The following XIRP2 variants were observed in gnomAD, a reference collection of about 807,000 sequenced individuals.
The protein encoded by XIRP2 is xin actin binding repeat containing 2.
Under a neutral mutation model 277.0 loss-of-function variants are expected in XIRP2, and 236 were observed. The observed-to-expected ratio is 0.85, with a 90% CI of 0.77 to 0.95. The LOEUF (loss-of-function observed/expected upper bound fraction) is 0.95. XIRP2 is among the 40% of genes least tolerant of loss of function. XIRP2 has a pLI of 0.00. For missense variants in XIRP2, 4,640 were observed against 4,157.5 expected, an observed-to-expected ratio of 1.12 and a Z score of -3.19; for synonymous variants, 1,490 against 1,416.5, an observed-to-expected ratio of 1.05 and a Z score of -1.17.
chr2:167,190,589 T>C lies in XIRP2; in HGVS notation c.563-20146T>C, dbSNP rs1693301660. On this transcript the variant is annotated intron_variant, in intron 3 of 10. Transcript: ENST00000409195. ...AGTAAAAATTTCTTACTATTTATTT[T>C]CCTAGTCATTGGAATCCACCTCTTA... 3.9e-5 allele frequency among the ~76,000 whole-genome samples: 6 copies of C among 152,352 alleles called. No individual in the cohort carries two copies. In the South Asian group the frequency reaches 1.2e-3, roughly 32 times the overall value.
chr2:167,125,254 C>T (rs1691168507), intron 2 of XIRP2, among the ~76,000 whole-genome samples: 1 of 152,106 alleles, frequency 6.6e-6, no homozygotes, highest in Admixed American at 6.6e-5. Context: ...CATCATTTAT[C>T]AAGTACCTGC....
chr2:167,220,408 C>A (rs1020083398), intron 5 of XIRP2, among the ~76,000 whole-genome samples: 1 of 152,152 alleles, frequency 6.6e-6, no homozygotes, highest in Non-Finnish European at 1.5e-5. Flanking sequence ...AGTATCCACC[C>A]CATGGATTTG....
At chr2:167,224,030 A>G (rs925229622) in intron 5 of XIRP2, among the ~76,000 whole-genome samples, 2 of 152,126 alleles carry the variant, frequency 1.3e-5, no homozygotes, top group African/African-American at 2.4e-5. Context: ...GAACAGTCCA[A>G]TGTCAAGGTG....
At position 167,244,727 on chromosome 2, in the gene XIRP2, T is replaced by A. The variant is rs370308642; in HGVS notation, c.3335T>A (p.Leu1112Ter). 13 of 1,612,898 alleles carry A rather than the reference T, an allele frequency of 8.1e-6. No homozygotes were observed. The highest frequency in any genetic ancestry group is 1.1e-5 in the Non-Finnish European group (13 of 1,179,646). The change falls in exon 9 of 11, where the codon TTA becomes TAA. Residue 1112 changes from leucine to a stop codon, truncating the protein, a stop_gained. Transcript: ENST00000409195. LOFTEE classifies it high-confidence loss of function. ...PMESLYEKVS[L>*]MTSSEEIHKG... is the part of the protein sequence containing the mutation. ...GAGTCTCTTTATGAAAAAGTTTCGT[T>A]AATGACCAGCAGTGAAGAAATTCAT...
chr2:166,948,527 A>G (rs1051384546), intron 2 of XIRP2, among the ~76,000 whole-genome samples: 3 of 152,120 alleles, frequency 2.0e-5, no homozygotes, highest in African/African-American at 7.2e-5. Context: ...TTTGTATTTT[A>G]TAATCATTTC....
intron 2 of XIRP2, among the ~76,000 whole-genome samples, chr2:167,112,700 G>A (rs1334795587): frequency 6.6e-6 from 1 of 151,800 alleles, no homozygotes; most frequent in African/African-American, 2.4e-5. Context: ...TGCCCAGGCT[G>A]GAGTGCAGTG....
intron 2 of XIRP2, among the ~76,000 whole-genome samples, chr2:166,953,496 A>T (rs191550240): frequency 6.6e-6 from 1 of 151,962 alleles, no homozygotes; most frequent in African/African-American, 2.4e-5. Flanking sequence ...AAGCAGCATG[A>T]GAACAGACTA....
Position 167,246,056 on chromosome 2 carries a change from C to G in XIRP2, c.4664C>G (p.Thr1555Ser), listed in dbSNP as rs1302568355. The G allele has an allele frequency of 1.2e-6, 2 of 1,613,526 alleles. No individual in the cohort carries two copies. Among genetic ancestry groups the G allele is most frequent in the Non-Finnish European group, 1.7e-6 (2 of 1,179,766 alleles). ...ATTATTGGCAAGAGCATTAAAGAAA[C>G]CTTAGAAGATCTCTACTCTCAAAAA... ...IEIIGKSIKE[T>S]LEDLYSQKVI... The change falls in exon 9 of 11, where the codon ACC becomes AGC. Residue 1555 changes from threonine (T) to serine (S), a missense_variant. Transcript: ENST00000409195.
At chr2:167,038,692 AT>A (rs1392623083) in intron 2 of XIRP2, among the ~76,000 whole-genome samples, 3 of 151,986 alleles carry the variant, frequency 2.0e-5, no homozygotes, top group Non-Finnish European at 4.4e-5. Context: ...TCCTATCCAT[AT>A]TTATACTAAT....
Position 167,248,758 on chromosome 2 carries a change from A to T in XIRP2, c.7366A>T (p.Lys2456Ter). Residue 2456 changes from lysine (K) to a stop codon, truncating the protein, a stop_gained, in exon 9 of 11, where the codon AAA (lysine) becomes TAA (stop). Transcript: ENST00000409195. LOFTEE classifies it high-confidence loss of function. ...LATSLSDMEC[K>*]ITTSKDQKKV... ...AACCTCCCTGTCAGATATGGAATGTAAAATTACTACCTCAAAGGATCAGAA... is the reference window on the plus strand; with the variant it reads ...AACCTCCCTGTCAGATATGGAATGTTAAATTACTACCTCAAAGGATCAGAA... The T allele has an allele frequency of 1.9e-6, 3 of 1,613,802 alleles. No homozygotes were observed. The highest frequency in any genetic ancestry group is 2.5e-6 in the Non-Finnish European group (3 of 1,179,818).
At chr2:167,149,497 G>C (rs1191533609) in intron 3 of XIRP2, among the ~76,000 whole-genome samples, 1 of 152,146 alleles carries the variant, frequency 6.6e-6, no homozygotes, top group Non-Finnish European at 1.5e-5. Context: ...TTTAGTTTAT[G>C]ACATATGTGG....
intron 2 of XIRP2, among the ~76,000 whole-genome samples, chr2:166,978,590 T>G (rs1471217411): frequency 6.6e-6 from 1 of 152,238 alleles, no homozygotes; most frequent in Non-Finnish European, 1.5e-5. Flanking sequence ...ACATATTTGT[T>G]GAATATATTT....
intron 2 of XIRP2, among the ~76,000 whole-genome samples, chr2:167,129,730 C>T (rs1001030944): frequency 2.0e-5 from 3 of 151,846 alleles, no homozygotes; most frequent in African/African-American, 4.8e-5. Flanking sequence ...ATTAGGCAGG[C>T]GTGGTGGCGC....
intron 2 of XIRP2, among the ~76,000 whole-genome samples, chr2:167,021,338 A>G (rs1687975356): frequency 6.6e-6 from 1 of 152,122 alleles, no homozygotes; most frequent in Non-Finnish European, 1.5e-5. Context: ...AATTTGGCAG[A>G]AAAATTGTAT....
At chr2:167,024,635 C>T (rs1432943757) in intron 2 of XIRP2, among the ~76,000 whole-genome samples, 1 of 152,036 alleles carries the variant, frequency 6.6e-6, no homozygotes, top group Non-Finnish European at 1.5e-5. Context: ...CCCATCAATA[C>T]CTAATGTATT....
chr2:167,102,168 A>G (rs1339064426), intron 2 of XIRP2, among the ~76,000 whole-genome samples: 7 of 152,204 alleles, frequency 4.6e-5, no homozygotes, highest in Admixed American at 4.6e-4. Flanking sequence ...CTTGATTTGA[A>G]TTAGCTGGAA....
intron 2 of XIRP2, among the ~76,000 whole-genome samples, chr2:167,022,319 G>A (rs1472711759): frequency 6.6e-6 from 1 of 152,052 alleles, no homozygotes; most frequent in Non-Finnish European, 1.5e-5. Flanking sequence ...CAGGAAAATT[G>A]AGAGTCATTT....
intron 2 of XIRP2, among the ~76,000 whole-genome samples, chr2:166,996,118 T>A (rs1037764910): frequency 6.6e-6 from 1 of 152,034 alleles, no homozygotes; most frequent in African/African-American, 2.4e-5. Flanking sequence ...AGGGCAAGGG[T>A]TGAATCTTTT....
At chr2:167,005,364 G>T (rs906903056) in intron 2 of XIRP2, among the ~76,000 whole-genome samples, 1 of 151,938 alleles carries the variant, frequency 6.6e-6, no homozygotes, top group African/African-American at 2.4e-5. Flanking sequence ...TGAATCATGG[G>T]CTGTACCAGC....
Sources: allele counts gnomAD v4.1 joint callset (sites outside exome capture counted in the v4.1 genomes callset), GRCh38; gene constraint gnomAD v4.1.1; transcripts MANE v1.5; gene names NCBI Gene and HGNC (gene_info 2026-07-23, HGNC 2026-07-21).